The following VSTM2B variants were observed in gnomAD, a reference collection of about 807,000 sequenced individuals.
VSTM2B encodes V-set and transmembrane domain-containing protein 2B.
In VSTM2B, 24 loss-of-function variants were observed where a neutral mutation model predicts 24.0. The observed-to-expected ratio is 1.00, with a 90% CI of 0.72 to 1.40. The LOEUF (loss-of-function observed/expected upper bound fraction) is 1.40. VSTM2B is among the 40% of genes most tolerant of loss of function. The pLI is 0.00. For missense variants in VSTM2B, 399 were observed against 416.4 expected (o/e 0.96, Z 0.36); for synonymous variants, 226 against 194.4 (o/e 1.16, Z -1.35).
chr19:29,539,439 A>ACCATG (rs1469705608), intron 4 of VSTM2B, among the ~76,000 whole-genome samples: 3 of 152,084 alleles, frequency 2.0e-5, no homozygotes, highest in Non-Finnish European at 4.4e-5. Context: ...AAGCTCTCTC[A>ACCATG]CCATGTCATA....
At chr19:29,539,625 G>A (rs545954631) in intron 4 of VSTM2B, among the ~76,000 whole-genome samples, 10 of 152,344 alleles carry the variant, frequency 6.6e-5, no homozygotes, top group African/African-American at 2.4e-4. Flanking sequence ...CTCAGGACAT[G>A]TGCTGGTTCT....
Position 29,536,201 on chromosome 19 carries a change from G to A in VSTM2B, c.769+5911G>A, listed in dbSNP as rs187411282. Among the ~76,000 whole-genome samples, 304 of 152,316 alleles carry A rather than the reference G, an allele frequency of 2.0e-3. 1 individual carries two copies. The highest frequency in any genetic ancestry group is 6.8e-3 in the African/African-American group (283 of 41,566). Reference sequence around the variant, plus strand: ...ATAAGGGGGAACCAGAGATGGCAGTGTGGACCCAAACTTAAAGGAGCCAGG... The same window carrying A: ...ATAAGGGGGAACCAGAGATGGCAGTATGGACCCAAACTTAAAGGAGCCAGG... On this transcript the variant is annotated intron_variant, in intron 4 of 4. Transcript: ENST00000335523.
chr19:29,535,858 C>A (rs1160365269), intron 4 of VSTM2B, among the ~76,000 whole-genome samples: 1 of 152,112 alleles, frequency 6.6e-6, no homozygotes, highest in Admixed American at 6.6e-5. Flanking sequence ...TCTCCCCGGA[C>A]CCACGAGGAC....
intron 4 of VSTM2B, among the ~76,000 whole-genome samples, chr19:29,544,525 C>CAAAAAAAAAA (rs58540469): frequency 1.7e-4 from 9 of 54,358 alleles, no homozygotes; most frequent in African/African-American, 4.6e-4. Flanking sequence ...GACTCTGTCT[C>CAAAAAAAAAA]AAAAAAAAAA....
At chr19:29,539,062 G>T (rs539635559) in intron 4 of VSTM2B, among the ~76,000 whole-genome samples, 33 of 152,302 alleles carry the variant, frequency 2.2e-4, no homozygotes, top group Admixed American at 5.9e-4. Context: ...TTCAAGGGGG[G>T]AAGGTAGAAA....
Position 29,551,270 on chromosome 19 carries a change from G to T in VSTM2B, c.770-12576G>T, listed in dbSNP as rs553658664. Among the ~76,000 whole-genome samples, 16 of 152,348 alleles carry T rather than the reference G, an allele frequency of 1.1e-4. No individual in the cohort carries two copies. The South Asian group carries it at 2.1e-3, about 20-fold the overall frequency. On this transcript the variant is annotated intron_variant, in intron 4 of 4. Coordinates refer to ENST00000335523, the MANE Select transcript of VSTM2B (RefSeq NM_001146339.2). ...CCAGGAAGCTAACTCACAGGCTTGG[G>T]CAGAGCTTGGGTCAGACGATGGCCT...
chr19:29,537,734 C>G (rs1241019510), intron 4 of VSTM2B, among the ~76,000 whole-genome samples: 1 of 150,178 alleles, frequency 6.7e-6, no homozygotes, highest in African/African-American at 2.5e-5. Context: ...CCCACCTACT[C>G]TCCCGCACCC....
At position 29,557,544 on chromosome 19, in the gene VSTM2B, A is replaced by G. The variant is rs183006375; in HGVS notation, c.770-6302A>G. 1.1e-4 allele frequency among the ~76,000 whole-genome samples: 17 copies of G among 152,238 alleles called. No homozygotes were observed. In the East Asian group the frequency reaches 3.3e-3, roughly 29 times the overall value. ...GAAACCCCATCTCTACTGAAAATAC[A>G]AAAAATTAGCTGAGCGTGGTGGTGG... On this transcript the variant is annotated intron_variant, in intron 4 of 4. Coordinates refer to ENST00000335523, the MANE Select transcript of VSTM2B (RefSeq NM_001146339.2).
intron 3 of VSTM2B, 100 bp downstream of exon 3, chr19:29,528,562 G>C: frequency 4.2e-6 from 6 of 1,416,318 alleles, no homozygotes; most frequent in Non-Finnish European, 5.8e-6. Flanking sequence ...GCGCATGTGG[G>C]GCCGCGCAAG....
chr19:29,535,348 A>C (rs576183312), intron 4 of VSTM2B, among the ~76,000 whole-genome samples: 1 of 152,296 alleles, frequency 6.6e-6, no homozygotes, highest in Admixed American at 6.5e-5. Flanking sequence ...TTGCAACTGA[A>C]TGGCTGGTGT....
chr19:29,533,135 A>G (rs977582348), intron 4 of VSTM2B, among the ~76,000 whole-genome samples: 1 of 152,210 alleles, frequency 6.6e-6, no homozygotes, highest in Non-Finnish European at 1.5e-5. Context: ...CCTTCTTCCC[A>G]GAAGATATGG....
chr19:29,534,561 A>C (rs1317070520), intron 4 of VSTM2B, among the ~76,000 whole-genome samples: 1 of 152,080 alleles, frequency 6.6e-6, no homozygotes, highest in Non-Finnish European at 1.5e-5. Flanking sequence ...CTAAAAACAC[A>C]AAAAATTAGC....
intron 2 of VSTM2B, 80 bp downstream of exon 2, chr19:29,527,475 G>A (rs1310459781): frequency 7.7e-6 from 10 of 1,300,292 alleles, no homozygotes; most frequent in Non-Finnish European, 1.0e-5. Flanking sequence ...GAGGGAAGCA[G>A]CGGGCTTCAC....
intron 4 of VSTM2B, among the ~76,000 whole-genome samples, chr19:29,545,245 A>G (rs1599892057): frequency 6.6e-6 from 1 of 152,116 alleles, no homozygotes; most frequent in East Asian, 1.9e-4. Context: ...AGGCGAGAAG[A>G]GTTAGGTCTT....
At chr19:29,554,890 T>C (rs928891222) in intron 4 of VSTM2B, among the ~76,000 whole-genome samples, 1 of 152,152 alleles carries the variant, frequency 6.6e-6, no homozygotes, top group East Asian at 1.9e-4. Flanking sequence ...ATGCACCCAA[T>C]ACAGGAGTAC....
chr19:29,529,162 G>A, intron 3 of VSTM2B: 1 of 981,402 alleles, frequency 1.0e-6, no homozygotes, highest in Non-Finnish European at 1.2e-6. Flanking sequence ...CCACCGGGGC[G>A]CAGGGGAGGA....
chr19:29,528,807 G>T, intron 3 of VSTM2B: 1 of 720,156 alleles, frequency 1.4e-6, no homozygotes, highest in Non-Finnish European at 1.7e-6. Context: ...GGGAGCGCGC[G>T]GCTGCTCGCC....
chr19:29,526,538 C>T lies in VSTM2B; in HGVS notation c.-46C>T, dbSNP rs1369939856. 4.1e-6 allele frequency: 6 copies of T among 1,459,186 alleles called. No individual in the cohort carries two copies. The Admixed American group carries it at 6.5e-5, about 16-fold the overall frequency. The allele number at this position is 1,459,186 out of a possible 1,614,324, so 90.4% of individuals were successfully genotyped here. On this transcript the variant is annotated 5_prime_UTR_variant, in exon 1 of 5. Coordinates refer to ENST00000335523, the MANE Select transcript of VSTM2B (RefSeq NM_001146339.2). The surrounding 1 kb of genome is among the most constrained non-coding windows in gnomAD (Gnocchi z 4.1). ...CCGATCCGAGCCCACGCGGCCGCCG[C>T]CTCTCCGCTCCCGGGCCCCCGCCGC...
At chr19:29,534,532 T>C (rs1455469061) in intron 4 of VSTM2B, among the ~76,000 whole-genome samples, 2 of 151,860 alleles carry the variant, frequency 1.3e-5, no homozygotes, top group Admixed American at 1.3e-4. Context: ...CTGGCCAACA[T>C]GATGAGATCC....
Sources: gnomAD v4.1 joint callset for allele counts (sites outside exome capture counted in the v4.1 genomes callset) on GRCh38, gnomAD v4.1.1 for gene constraint, Gnocchi (gnomAD v3.1) non-coding constraint, MANE v1.5 for transcripts, NCBI Gene and HGNC (gene_info 2026-07-23, HGNC 2026-07-21) for gene names.